NCKAP1: variants seen among roughly 807,000 people sequenced by gnomAD.
NCKAP1 encodes nck-associated protein 1.
A neutral mutation model predicts 151.2 loss-of-function variants in NCKAP1; 21 were observed. That is an observed-to-expected ratio of 0.14 (90% CI 0.10 to 0.20). The LOEUF is 0.20. Among genes scored for constraint, NCKAP1 ranks in the 10% least tolerant of loss-of-function variants. The probability of loss-of-function intolerance (pLI) is 1.00; values close to 1 mark genes in which losing one functional copy is unlikely to be tolerated. For synonymous variants in NCKAP1, 484 were observed against 451.8 expected, an observed-to-expected ratio of 1.07 and a Z score of -0.90; for missense variants, 933 against 1,352.1, an observed-to-expected ratio of 0.69 and a Z score of 4.86.
chr2:182,976,427 C>G (rs1256045584), intron 15 of NCKAP1, among the ~76,000 whole-genome samples: 3 of 152,122 alleles, frequency 2.0e-5, no homozygotes, highest in Non-Finnish European at 4.4e-5. Context: ...ACAGCCATGC[C>G]CATTAAGTTA....
chr2:182,919,199 T>C lies in NCKAP1; in HGVS notation c.*6503A>G, dbSNP rs1696511390. 1 of 152,262 alleles carries C rather than the reference T, an allele frequency of 6.6e-6. No homozygotes were observed. The highest frequency in any genetic ancestry group is 1.5e-5 in the Non-Finnish European group (1 of 68,048). The allele number at this position is 152,262 out of a possible 1,614,324, so 9.4% of individuals were successfully genotyped here. A position where few individuals can be genotyped will look rare whatever the true frequency, so the allele number is the denominator to read the frequency against. ...GCTTGATAAAACCACAACTACCAGT[T>C]AAGGTCAAATTTTCCCCTCCTAGCC... On this transcript the variant is annotated 3_prime_UTR_variant, in exon 31 of 31. Transcript: ENST00000361354.
rs549136137 is a variant in NCKAP1 at position 183,003,108 on chromosome 2, G to A, written c.313-78C>T. On this transcript the variant is annotated intron_variant, in intron 3 of 30. Coordinates refer to ENST00000361354, the MANE Select transcript of NCKAP1 (RefSeq NM_013436.5). Reference sequence around the variant, plus strand: ...CAGAAAACACAAACAAATAAGGTATGTGTTAAACTTCAGTTCTGGAAGAAT... The same window carrying A: ...CAGAAAACACAAACAAATAAGGTATATGTTAAACTTCAGTTCTGGAAGAAT... 1.6e-5 allele frequency: 22 copies of A among 1,359,858 alleles called. 1 individual carries two copies. In the South Asian group the frequency reaches 2.1e-4, roughly 13 times the overall value. The allele number at this position is 1,359,858 out of a possible 1,614,324, so 84.2% of individuals were successfully genotyped here.
intron 27 of NCKAP1, 103 bp downstream of exon 27, chr2:182,930,592 A>G (rs1696742933): frequency 1.2e-6 from 1 of 860,374 alleles, no homozygotes; most frequent in Non-Finnish European, 1.8e-6. Flanking sequence ...AAAAAGCTGA[A>G]CACAAAGCAG....
At chr2:182,972,873 T>C (rs138234820) in intron 15 of NCKAP1, among the ~76,000 whole-genome samples, 256 of 152,230 alleles carry the variant, frequency 1.7e-3, no homozygotes, top group African/African-American at 6.0e-3. Flanking sequence ...CAGAGAATAG[T>C]ATGATGGTTA....
chr2:182,966,865 C>T (rs993470108), intron 16 of NCKAP1, among the ~76,000 whole-genome samples: 1 of 152,128 alleles, frequency 6.6e-6, no homozygotes, highest in Non-Finnish European at 1.5e-5. Flanking sequence ...TAATTTCCAA[C>T]ACTTGCTCTA....
chr2:183,020,519 A>C (rs1447262847), intron 2 of NCKAP1, among the ~76,000 whole-genome samples: 2 of 151,730 alleles, frequency 1.3e-5, no homozygotes. Context: ...TTTTCACCAG[A>C]AATCTGTTTT....
At chr2:183,009,469 AGGAAGGAAGCAAGCAAGCAAGCAG>A in intron 2 of NCKAP1, among the ~76,000 whole-genome samples, 1 of 150,038 alleles carries the variant, frequency 6.7e-6, no homozygotes, top group Non-Finnish European at 1.5e-5. Flanking sequence ...GAAGGAAGGA[AGGAAGGAAGCAAGCAAGCAAGCAG>A]GCAAGCAAGC....
intron 22 of NCKAP1, 110 bp from the exon 23 acceptor site, chr2:182,952,612 TAA>T (rs940908252): frequency 4.1e-5 from 45 of 1,104,154 alleles, no homozygotes; most frequent in Middle Eastern, 4.2e-4. Context: ...AAAATCCTGA[TAA>T]AAGTCTCTAG....
At chr2:182,979,807 T>C (rs1025319303) in intron 13 of NCKAP1, among the ~76,000 whole-genome samples, 1 of 152,098 alleles carries the variant, frequency 6.6e-6, no homozygotes, top group African/African-American at 2.4e-5. Flanking sequence ...ACTTATGAGC[T>C]GTATTGGTGA....
chr2:182,986,158 T>G lies in NCKAP1; in HGVS notation c.1004+13A>C. Reference sequence around the variant, plus strand: ...TTGATTAAAGCTACCACGGATAAAATAAAACTACTCACGCATGTGACACGG... The same window carrying G: ...TTGATTAAAGCTACCACGGATAAAAGAAAACTACTCACGCATGTGACACGG... On this transcript the variant is annotated intron_variant, in intron 10 of 30. Transcript: ENST00000361354. The G allele has an allele frequency of 1.2e-6, 2 of 1,611,940 alleles. No homozygotes were observed. The highest frequency in any genetic ancestry group is 1.7e-6 in the Non-Finnish European group (2 of 1,178,286).
chr2:182,967,332 A>C lies in NCKAP1; in HGVS notation c.1512T>G (p.Leu504=). The change falls in exon 16 of 31, where the codon CTT becomes CTG. Residue 504 remains leucine (L), a synonymous_variant. Transcript: ENST00000361354. ...QAYTSVSKAS[L]GLADHRELGK... ...CAAGTTCTCTGTGATCTGCAAGGCC[A>C]AGTGAAGCCTTTGAGACACTAGTAT... The C allele has an allele frequency of 6.2e-7, 1 of 1,611,588 alleles. No individual in the cohort carries two copies. The highest frequency in any genetic ancestry group is 8.5e-7 in the Non-Finnish European group (1 of 1,178,932).
rs1696602461 is a variant in NCKAP1 at position 182,924,488 on chromosome 2, T to C, written c.*1214A>G. On this transcript the variant is annotated 3_prime_UTR_variant, in exon 31 of 31. Coordinates refer to ENST00000361354, the MANE Select transcript of NCKAP1 (RefSeq NM_013436.5). ...GCTGCTTTGCCCTCCATGCCAACTA[T>C]TAAGCAATAGGCCCTTTTATGTCTT... 1 of 152,192 alleles carries C rather than the reference T, an allele frequency of 6.6e-6. No homozygotes were observed. The allele number at this position is 152,192 out of a possible 1,614,324, so 9.4% of individuals were successfully genotyped here.
At chr2:183,015,324 T>C (rs918147336) in intron 2 of NCKAP1, among the ~76,000 whole-genome samples, 5 of 152,198 alleles carry the variant, frequency 3.3e-5, no homozygotes, top group South Asian at 2.1e-4. Context: ...TATGCAACTT[T>C]AGGGGATTCT....
intron 8 of NCKAP1, 134 bp downstream of exon 8, chr2:182,994,705 A>C (rs960231447): frequency 1.5e-5 from 10 of 688,172 alleles, no homozygotes; most frequent in Middle Eastern, 2.5e-4. Context: ...GATCAATATG[A>C]GGACTGAAAG....
At chr2:183,020,059 AAAAAAAC>A (rs770282397) in intron 2 of NCKAP1, among the ~76,000 whole-genome samples, 29 of 152,266 alleles carry the variant, frequency 1.9e-4, no homozygotes, top group Admixed American at 5.9e-4. Context: ...GCAGTTATTA[AAAAAAAC>A]AAAAAACAAA....
chr2:182,940,012 T>C (rs1331900248), intron 24 of NCKAP1, among the ~76,000 whole-genome samples: 3 of 152,224 alleles, frequency 2.0e-5, no homozygotes, highest in Non-Finnish European at 2.9e-5. Context: ...GACAAACGAC[T>C]ATGAATTTTA....
chr2:182,934,176 T>C (rs1017012346), intron 26 of NCKAP1, among the ~76,000 whole-genome samples: 1 of 152,116 alleles, frequency 6.6e-6, no homozygotes, highest in African/African-American at 2.4e-5. Context: ...CTCATTCTGT[T>C]GCCCAGGCTA....
intron 1 of NCKAP1, among the ~76,000 whole-genome samples, chr2:183,030,725 T>G (rs764860379): frequency 6.6e-6 from 1 of 152,234 alleles, no homozygotes; most frequent in Non-Finnish European, 1.5e-5. Context: ...AGAGGAAGAA[T>G]AGACGTTACC....
At chr2:182,989,003 A>C in intron 9 of NCKAP1, 27 bp downstream of exon 9, 1 of 1,594,772 alleles carries the variant, frequency 6.3e-7, no homozygotes, top group East Asian at 2.2e-5. Flanking sequence ...TTCTCCAAAA[A>C]AGACAAAATA....
Sources: allele counts gnomAD v4.1 joint callset (sites outside exome capture counted in the v4.1 genomes callset), GRCh38; gene constraint gnomAD v4.1.1; transcripts MANE v1.5; gene names NCBI Gene and HGNC (gene_info 2026-07-23, HGNC 2026-07-21).